RNF213: variants seen among roughly 807,000 people sequenced by gnomAD.
RNF213 encodes the protein E3 ubiquitin-protein ligase RNF213.
In RNF213, 341 loss-of-function variants were observed where a neutral mutation model predicts 514.4. The observed-to-expected ratio is 0.66, with a 90% CI of 0.61 to 0.73. RNF213 has a LOEUF of 0.73. Among genes scored for constraint, RNF213 ranks in the 30% least tolerant of loss-of-function variants. The probability of loss-of-function intolerance (pLI) is 0.00; values close to 1 mark genes in which losing one functional copy is unlikely to be tolerated. For missense variants in RNF213, 5,767 were observed against 6,615.6 expected (o/e 0.87, Z 4.45); for synonymous variants, 2,655 against 2,658.2 (o/e 1.00, Z 0.04).
rs1193545252 is a variant in RNF213 at position 80,381,663 on chromosome 17, C to T, written c.13914C>T (p.Thr4638=). The T allele has an allele frequency of 6.2e-7, 1 of 1,614,214 alleles. No homozygotes were observed. Among genetic ancestry groups the T allele is most frequent in the Non-Finnish European group, 8.5e-7 (1 of 1,180,030 alleles). Residue 4638 remains threonine (T), a synonymous_variant, in exon 57 of 68, where the codon ACC becomes ACT. Coordinates refer to ENST00000582970, the MANE Select transcript of RNF213 (RefSeq NM_001256071.3). ...AKMLGHSADE[T]IGVVHLVLRR... is the part of the protein sequence containing the mutation. Reference sequence around the variant, plus strand: ...TGCTGGGACACAGTGCCGACGAGACCATCGGCGTGGTCCACCTCGTCCTGC... The same window carrying T: ...TGCTGGGACACAGTGCCGACGAGACTATCGGCGTGGTCCACCTCGTCCTGC...
chr17:80,343,287 A>C lies in RNF213; in HGVS notation c.6145A>C (p.Lys2049Gln). Reference sequence around the variant, plus strand: ...GCCCTTCCTGGATGCGCAGTATCAGAAGGTCCCCGTGCTCTTTCACCTGGA... The same window carrying C: ...GCCCTTCCTGGATGCGCAGTATCAGCAGGTCCCCGTGCTCTTTCACCTGGA... Reference protein sequence around the residue: ...LLPFLDAQYQKVPVLFHLDVT... With the variant: ...LLPFLDAQYQQVPVLFHLDVT... Residue 2049 changes from lysine (K) to glutamine (Q), a missense_variant, in exon 27 of 68, where the codon AAG (lysine) becomes CAG (glutamine). Physicochemically the swap from Lys to Gln is moderately conservative, Grantham distance 53 (BLOSUM62 1). Transcript: ENST00000582970. The surrounding 1 kb of genome is among the most constrained non-coding windows in gnomAD (Gnocchi z 4.3). 6.2e-7 allele frequency: 1 copy of C among 1,613,352 alleles called. No homozygotes were observed.
chr17:80,354,551 G>A lies in RNF213; in HGVS notation c.10837G>A (p.Ala3613Thr), dbSNP rs774386205. The A allele has an allele frequency of 8.7e-6, 14 of 1,614,194 alleles. No individual in the cohort carries two copies. Among genetic ancestry groups the A allele is most frequent in the East Asian group, 2.2e-5 (1 of 44,888 alleles). Residue 3613 changes from alanine (A) to threonine (T), a missense_variant, in exon 36 of 68, where the codon GCT becomes ACT. Physicochemically the swap from Ala to Thr is moderately conservative, Grantham distance 58 (BLOSUM62 0). Around this residue, in one of 13 missense-constraint regions of RNF213, gnomAD observed 919 missense variants for 1,121.0 expected, o/e 0.82. Coordinates refer to ENST00000582970, the MANE Select transcript of RNF213 (RefSeq NM_001256071.3). ...GGCAAGGGAAGCCTGCAACCAGGACGCTCTCCAGGAGGCGGGCACATTCAG... is the reference window on the plus strand; with the variant it reads ...GGCAAGGGAAGCCTGCAACCAGGACACTCTCCAGGAGGCGGGCACATTCAG... ...WLAREACNQD[A>T]LQEAGTFRHT...
At position 80,306,351 on chromosome 17, in the gene RNF213, G is replaced by GGT. The variant is rs2045357188; in HGVS notation, c.2311_2312dup (p.Met772LeufsTer36). ...TTAGTCTGCTACCTCTGAGTCACCT[G>GGT]GTTATGTATATGGAAAACTTCATTG... On this transcript the variant is annotated frameshift_variant, in exon 12 of 68. Coordinates refer to ENST00000582970, the MANE Select transcript of RNF213 (RefSeq NM_001256071.3). LOFTEE classifies it high-confidence loss of function. The GGT allele has an allele frequency of 6.2e-7, 1 of 1,614,008 alleles. No homozygotes were observed. The highest frequency in any genetic ancestry group is 8.5e-7 in the Non-Finnish European group (1 of 1,180,036).
At chr17:80,355,125 G>C (rs967846961) in intron 36 of RNF213, 3 of 453,598 alleles carry the variant, frequency 6.6e-6, no homozygotes, top group Non-Finnish European at 1.3e-5. Context: ...CTTTAAGACA[G>C]ACTCTCAGAC....
intron 13 of RNF213, 29 bp from the exon 14 acceptor site, chr17:80,308,989 G>A (rs780665425): frequency 1.3e-5 from 21 of 1,613,012 alleles, no homozygotes; most frequent in Middle Eastern, 3.6e-4. Flanking sequence ...AATCCTTGCC[G>A]GGATTTCTCT....
In RNF213 at chr17:80,386,748, C is replaced by T. The variant is rs1383393654; in HGVS notation, c.14779C>T (p.Arg4927Trp). The T allele has an allele frequency of 6.2e-6, 10 of 1,614,002 alleles. No homozygotes were observed. Among genetic ancestry groups the T allele is most frequent in the South Asian group, 2.2e-5 (2 of 91,084 alleles). The part of the protein sequence containing the change: ...ELHVISYEVE[R>W]DLTPLILSNC... ...GCATGTCATCAGTTATGAAGTGGAGCGGGACCTGACTCCACTGATTCTCTC... is the reference window on the plus strand; with the variant it reads ...GCATGTCATCAGTTATGAAGTGGAGTGGGACCTGACTCCACTGATTCTCTC... The change falls in exon 63 of 68, where the codon CGG becomes TGG. Residue 4927 changes from arginine to tryptophan, a missense_variant. By Grantham distance (101) the Arg-to-Trp change is moderately radical. Transcript: ENST00000582970.
In RNF213 at chr17:80,288,583, TCA is replaced by T. The variant is rs749475142; in HGVS notation, c.811-48_811-47del. 1.1e-5 allele frequency: 17 copies of T among 1,613,710 alleles called. No individual in the cohort carries two copies. In the Admixed American group the frequency reaches 2.7e-4, roughly 25 times the overall value. On this transcript the variant is annotated intron_variant, in intron 4 of 67. Coordinates refer to ENST00000582970, the MANE Select transcript of RNF213 (RefSeq NM_001256071.3). The surrounding 1 kb of genome is among the most constrained non-coding windows in gnomAD (Gnocchi z 4.9). ...TGCCCCTTAAACCATTGAGTCGGAG[TCA>T]CCCTGGCCCATTTTGTCACCTTGGC... is the stretch of plus-strand genomic sequence containing the variant.
rs146910347 is a variant in RNF213, at chr17:80,361,744, G to A, written c.11211G>A (p.Lys3737=). The A allele has an allele frequency of 1.3e-5, 21 of 1,613,580 alleles. No homozygotes were observed. In the African/African-American group the frequency reaches 2.4e-4, roughly 18 times the overall value. ...GTTTCCTCTCTGCAGGACTGCCCAA[G>A]AAGTTCGTGGACATCTTTCAGCAGA... The part of the protein sequence containing the change: ...QYITDAEGLP[K]KFVDIFQQTP... Residue 3737 remains lysine (K), a synonymous_variant, in exon 39 of 68, where the codon AAG becomes AAA. Coordinates refer to ENST00000582970, the MANE Select transcript of RNF213 (RefSeq NM_001256071.3).
intron 3 of RNF213, among the ~76,000 whole-genome samples, chr17:80,277,074 CA>C (rs1047364754): frequency 1.0e-4 from 15 of 145,618 alleles, no homozygotes; most frequent in African/African-American, 2.3e-4. Flanking sequence ...GCAAACAAAC[CA>C]AAAAAAAAAC....
At chr17:80,283,293 A>T (rs1261894591) in intron 3 of RNF213, among the ~76,000 whole-genome samples, 1 of 151,636 alleles carries the variant, frequency 6.6e-6, no homozygotes, top group Non-Finnish European at 1.5e-5. Context: ...GGAAGAGCTG[A>T]GGGGGTGAGC....
Position 80,347,552 on chromosome 17 carries a change from G to A in RNF213, c.9217G>A (p.Gly3073Ser), listed in dbSNP as rs954210541. 1.2e-6 allele frequency: 2 copies of A among 1,614,108 alleles called. No homozygotes were observed. The highest frequency in any genetic ancestry group is 1.7e-6 in the Non-Finnish European group (2 of 1,180,042). ...DQQPEIIFGS[G>S]FPKDQEYTQL... ...GCAGCCGGAGATTATTTTTGGTTCT[G>A]GTTTCCCCAAGGACCAAGAGTACAC... Residue 3073 changes from glycine (G) to serine (S), a missense_variant, in exon 29 of 68, where the codon GGT becomes AGT. This residue lies in a region of RNF213 where 919 missense variants were observed against 1,121.0 expected (regional missense o/e 0.82). Coordinates refer to ENST00000582970, the MANE Select transcript of RNF213 (RefSeq NM_001256071.3). This position sits in a 1 kb window ranked among gnomAD's most constrained non-coding sequence, Gnocchi z 7.2.
chr17:80,363,247 T>C lies in RNF213; in HGVS notation c.11501T>C (p.Ile3834Thr). 2 of 1,614,084 alleles carry C rather than the reference T, an allele frequency of 1.2e-6. No homozygotes were observed. Among genetic ancestry groups the C allele is most frequent in the Non-Finnish European group, 1.7e-6 (2 of 1,180,008 alleles). Residue 3834 changes from isoleucine to threonine, a missense_variant, in exon 40 of 68, where the codon ATC becomes ACC. Coordinates refer to ENST00000582970, the MANE Select transcript of RNF213 (RefSeq NM_001256071.3). Reference protein sequence around the residue: ...RLQNFSRILTIYPQVLHSLME... With the variant: ...RLQNFSRILTTYPQVLHSLME... The stretch of plus-strand genomic sequence containing the variant: ...CAGAACTTTTCCAGAATCCTGACCA[T>C]CTACCCTCAGGTTCTCCACAGCCTG...
intron 46 of RNF213, among the ~76,000 whole-genome samples, chr17:80,370,220 C>T (rs1402991478): frequency 6.6e-6 from 1 of 152,166 alleles, no homozygotes. Flanking sequence ...AGCTTAGAAT[C>T]CTGCTCACCC....
intron 46 of RNF213, among the ~76,000 whole-genome samples, chr17:80,370,163 C>T (rs1264552772): frequency 1.3e-5 from 2 of 152,214 alleles, no homozygotes; most frequent in Non-Finnish European, 2.9e-5. Context: ...ATCTGTGGTG[C>T]TGAGCCTGGT....
intron 11 of RNF213, among the ~76,000 whole-genome samples, chr17:80,303,550 C>A (rs922875942): frequency 6.7e-6 from 1 of 149,416 alleles, no homozygotes; most frequent in African/African-American, 2.5e-5. Flanking sequence ...TATTCCTTTT[C>A]TTTTTTCTTT....
chr17:80,280,192 T>C (rs1413926408), intron 3 of RNF213, among the ~76,000 whole-genome samples: 3 of 152,202 alleles, frequency 2.0e-5, no homozygotes, highest in Non-Finnish European at 4.4e-5. Context: ...TAAGGCACAG[T>C]GTGGGTGGAG....
intron 50 of RNF213, chr17:80,375,127 T>A (rs1288586206): frequency 1.7e-5 from 3 of 175,400 alleles, no homozygotes; most frequent in African/African-American, 7.2e-5. Flanking sequence ...ATCCTCTTTC[T>A]GCTCAGAAGT....
intron 18 of RNF213, among the ~76,000 whole-genome samples, chr17:80,327,341 A>C (rs1432688023): frequency 6.6e-6 from 1 of 152,216 alleles, no homozygotes; most frequent in Non-Finnish European, 1.5e-5. Context: ...TCTACAAAAA[A>C]TTTTGAAAGT....
chr17:80,269,490 C>T (rs73442415), intron 2 of RNF213, among the ~76,000 whole-genome samples: 7,712 of 150,152 alleles, frequency 0.051, 524 homozygotes, highest in African/African-American at 0.18. Context: ...TCTATCCATC[C>T]ATCCATTCAT....
Sources: allele counts gnomAD v4.1 joint callset (sites outside exome capture counted in the v4.1 genomes callset), GRCh38; gene constraint gnomAD v4.1.1; regional missense constraint gnomAD v4.1.1; non-coding constraint Gnocchi (gnomAD v3.1); transcripts MANE v1.5; gene names NCBI Gene and HGNC (gene_info 2026-07-23, HGNC 2026-07-21).